MEI1: variants seen among roughly 807,000 people sequenced by gnomAD.
MEI1 encodes the protein meiotic double-stranded break formation protein 1.
MEI1 carries 103 observed loss-of-function variants against 146.2 expected under a neutral mutation model. The ratio of observed to expected loss-of-function variants is 0.70; its 90% CI spans 0.60 to 0.83. The LOEUF (loss-of-function observed/expected upper bound fraction) is 0.83, where lower values mean the gene tolerates loss of function less well. Among genes scored for constraint, MEI1 ranks in the 40% least tolerant of loss-of-function variants. The probability of loss-of-function intolerance (pLI) is 0.00; values close to 1 mark genes in which losing one functional copy is unlikely to be tolerated. For missense variants in MEI1, 1,529 were observed against 1,533.0 expected, an observed-to-expected ratio of 1.00 and a Z score of 0.04; for synonymous variants, 652 against 628.2, an observed-to-expected ratio of 1.04 and a Z score of -0.57.
chr22:41,735,107 G>A (rs1316091899), intron 11 of MEI1, among the ~76,000 whole-genome samples: 7 of 151,542 alleles, frequency 4.6e-5, no homozygotes, highest in South Asian at 2.1e-4. Context: ...GACTACAGGC[G>A]CGCGCCACCA....
chr22:41,778,549 A>G, intron 21 of MEI1, 159 bp from the exon 22 acceptor site: 1 of 595,242 alleles, frequency 1.7e-6, no homozygotes, highest in Admixed American at 3.0e-5. Context: ...GTTCTAAATG[A>G]AGAAAGAAAT....
At chr22:41,728,197 T>G (rs552740852) in intron 7 of MEI1, among the ~76,000 whole-genome samples, 2 of 152,262 alleles carry the variant, frequency 1.3e-5, no homozygotes, top group East Asian at 3.9e-4. Flanking sequence ...CAAGCCTGTG[T>G]TGTTCAAGGG....
chr22:41,747,245 T>C (rs1327540506), intron 14 of MEI1: 1 of 151,536 alleles, frequency 6.6e-6, no homozygotes, highest in Admixed American at 6.6e-5. Context: ...TTCTTTTTTT[T>C]TTTTTTTAAT....
intron 6 of MEI1, among the ~76,000 whole-genome samples, chr22:41,718,979 C>CTTTTTTTTT (rs146120400): frequency 1.8e-5 from 2 of 111,224 alleles, no homozygotes; most frequent in Non-Finnish European, 1.8e-5. Flanking sequence ...TCAAGTGATT[C>CTTTTTTTTT]TTTTTTTTTT....
chr22:41,704,482 C>T (rs1227388888), intron 2 of MEI1, among the ~76,000 whole-genome samples: 1 of 150,252 alleles, frequency 6.7e-6, no homozygotes, highest in African/African-American at 2.5e-5. Context: ...GGCGTGATCT[C>T]AGCTCACTGC....
chr22:41,724,123 A>G, intron 7 of MEI1, 50 bp downstream of exon 7: 1 of 1,606,208 alleles, frequency 6.2e-7, no homozygotes, highest in African/African-American at 1.3e-5. Context: ...AAGGGGACCC[A>G]AGTGCTTCTT....
intron 11 of MEI1, among the ~76,000 whole-genome samples, chr22:41,734,647 AT>A (rs1569208737): frequency 6.6e-6 from 1 of 152,090 alleles, no homozygotes; most frequent in African/African-American, 2.4e-5. Context: ...TGTATTTAAA[AT>A]TTTTTTTGAG....
intron 19 of MEI1, among the ~76,000 whole-genome samples, chr22:41,768,610 C>A (rs566080903): frequency 6.6e-6 from 1 of 152,184 alleles, no homozygotes; most frequent in Non-Finnish European, 1.5e-5. Context: ...CTGAGGAGGT[C>A]TCAGGAATCT....
At chr22:41,797,904 T>A (rs1469886966) in intron 30 of MEI1, among the ~76,000 whole-genome samples, 1 of 152,060 alleles carries the variant, frequency 6.6e-6, no homozygotes, top group African/African-American at 2.4e-5. Flanking sequence ...TGGTGTCTGT[T>A]ATTATTCCTA....
intron 17 of MEI1, 26 bp from the exon 18 acceptor site, chr22:41,758,339 C>G (rs781414857): frequency 6.2e-7 from 1 of 1,600,214 alleles, no homozygotes; most frequent in Non-Finnish European, 8.5e-7. Flanking sequence ...CTCTGTGTGG[C>G]TTTCCTCTAC....
chr22:41,786,547 C>T (rs915996571), intron 26 of MEI1, among the ~76,000 whole-genome samples: 2 of 152,210 alleles, frequency 1.3e-5, no homozygotes, highest in Admixed American at 6.5e-5. Flanking sequence ...CCAGCAGTAG[C>T]TCCTAGCTTA....
intron 5 of MEI1, among the ~76,000 whole-genome samples, chr22:41,716,686 C>CTTTT (rs55994680): frequency 9.2e-6 from 1 of 108,152 alleles, no homozygotes; most frequent in Admixed American, 1.0e-4. Context: ...TCCATTCATT[C>CTTTT]TTTTTTTTTT....
At chr22:41,790,077 GT>G (rs1347378624) in intron 26 of MEI1, among the ~76,000 whole-genome samples, 3 of 152,094 alleles carry the variant, frequency 2.0e-5, no homozygotes, top group Non-Finnish European at 4.4e-5. Context: ...AAACTAGTTT[GT>G]TTGTTTTTTT....
chr22:41,724,132 T>C (rs1391302822), intron 7 of MEI1, 59 bp downstream of exon 7: 5 of 1,594,472 alleles, frequency 3.1e-6, no homozygotes, highest in Non-Finnish European at 4.3e-6. Flanking sequence ...CAAGTGCTTC[T>C]TGGGCCTTGT....
chr22:41,782,900 C>A (rs1236826763), intron 24 of MEI1, among the ~76,000 whole-genome samples: 3 of 152,172 alleles, frequency 2.0e-5, no homozygotes, highest in Non-Finnish European at 4.4e-5. Flanking sequence ...CCTGATCATT[C>A]GTCCTCCCCA....
intron 3 of MEI1, chr22:41,709,556 C>T (rs559296486): frequency 5.8e-5 from 31 of 530,772 alleles, no homozygotes; most frequent in African/African-American, 3.1e-4. Context: ...GGGCTTTGGT[C>T]GGTCCAGGGG....
intron 19 of MEI1, among the ~76,000 whole-genome samples, chr22:41,769,764 G>A (rs1393575244): frequency 1.3e-5 from 2 of 151,002 alleles, no homozygotes; most frequent in South Asian, 2.1e-4. Context: ...GAGCCCCCAC[G>A]CCCAGCCTCA....
At chr22:41,777,144 G>C (rs916543301) in intron 21 of MEI1, among the ~76,000 whole-genome samples, 14 of 135,980 alleles carry the variant, frequency 1.0e-4, no homozygotes, top group African/African-American at 3.6e-4. Context: ...TAGAGAAGCT[G>C]AATTTTAAAA....
At chr22:41,711,422 C>T (rs1230558088) in intron 3 of MEI1, among the ~76,000 whole-genome samples, 3 of 152,126 alleles carry the variant, frequency 2.0e-5, no homozygotes, top group Non-Finnish European at 4.4e-5. Context: ...CCGTTCTGAC[C>T]CCCCGGGGGA....
Sources: gnomAD v4.1 joint callset for allele counts (sites outside exome capture counted in the v4.1 genomes callset) on GRCh38, gnomAD v4.1.1 for gene constraint, MANE v1.5 for transcripts, NCBI Gene and HGNC (gene_info 2026-07-23, HGNC 2026-07-21) for gene names.